Variants in FGF1 observed in about 807,000 individuals in gnomAD.
The protein encoded by FGF1 is fibroblast growth factor 1, also known as beta-endothelial cell growth factor.
A neutral mutation model predicts 13.4 loss-of-function variants in FGF1; 9 were observed. That is an observed-to-expected ratio of 0.67 (90% CI 0.40 to 1.17). The LOEUF (loss-of-function observed/expected upper bound fraction) is 1.17, where lower values mean the gene tolerates loss of function less well. Among genes scored for constraint, FGF1 ranks in the 50% most tolerant of loss-of-function variants. The pLI is 0.01. For synonymous variants in FGF1, 93 were observed against 79.0 expected (o/e 1.18, Z -0.94); for missense variants, 156 against 192.7 (o/e 0.81, Z 1.13).
chr5:142,614,020 G>T lies in FGF1; in HGVS notation c.108C>A (p.His36Gln). 6.2e-7 allele frequency: 1 copy of T among 1,614,134 alleles called. No homozygotes were observed. Among genetic ancestry groups the T allele is most frequent in the Non-Finnish European group, 8.5e-7 (1 of 1,180,012 alleles). ...TGCCATCCGGAAGGATCCTCAGGAA[G>T]TGGCCCCCGTTGCTACAGTAGAGGA... ...PKLLYCSNGG[H>Q]FLRILPDGTV... is the part of the protein sequence containing the mutation. The change falls in exon 2 of 4, where the codon CAC (histidine) becomes CAA (glutamine). Residue 36 changes from histidine (H) to glutamine (Q), a missense_variant. Transcript: ENST00000337706.
intron 1 of FGF1, among the ~76,000 whole-genome samples, chr5:142,632,104 T>C (rs1763476737): frequency 6.6e-6 from 1 of 152,204 alleles, no homozygotes; most frequent in African/African-American, 2.4e-5. Flanking sequence ...TAAAGCAAGC[T>C]TTATCTCCCT....
At chr5:142,656,683 G>A (rs942875679) in intron 1 of FGF1, among the ~76,000 whole-genome samples, 4 of 152,174 alleles carry the variant, frequency 2.6e-5, no homozygotes, top group Non-Finnish European at 5.9e-5. Context: ...TAAGCAAATA[G>A]CAGGCAGCCA....
intron 1 of FGF1, among the ~76,000 whole-genome samples, chr5:142,671,485 T>C (rs1771450904): frequency 6.6e-6 from 1 of 152,262 alleles, no homozygotes; most frequent in South Asian, 2.1e-4. Context: ...TACATTCCTC[T>C]TGCAGCTGTG....
rs1250186158 is a variant in FGF1, at chr5:142,654,865, C to T, written c.-35+31092G>A. 2.0e-5 allele frequency among the ~76,000 whole-genome samples: 3 copies of T among 152,172 alleles called. No individual in the cohort carries two copies. The East Asian group carries it at 5.8e-4, about 29-fold the overall frequency. Reference sequence around the variant, plus strand: ...GGAGAAGGGGCTTCTCTTCTACCTGCAGGAGGAGCAGGCAGGGGAGAGCAG... The same window carrying T: ...GGAGAAGGGGCTTCTCTTCTACCTGTAGGAGGAGCAGGCAGGGGAGAGCAG... On this transcript the variant is annotated intron_variant, in intron 1 of 3. Coordinates refer to ENST00000337706, the MANE Select transcript of FGF1 (RefSeq NM_000800.5).
At chr5:142,608,216 T>C (rs10074101) in intron 2 of FGF1, among the ~76,000 whole-genome samples, 7,565 of 152,070 alleles carry the variant, frequency 0.05, 300 homozygotes, top group African/African-American at 0.096. Context: ...TCTGCTTCTG[T>C]AGCATGTCTG....
intron 1 of FGF1, among the ~76,000 whole-genome samples, chr5:142,659,323 GGTTCAAGCGATTCTCCT>G (rs1308833573): frequency 6.6e-6 from 1 of 151,430 alleles, no homozygotes; most frequent in Non-Finnish European, 1.5e-5. Context: ...CTGCCTCCCG[GGTTCAAGCGATTCTCCT>G]GCCTCAGCCT....
In FGF1 at chr5:142,653,494, A is replaced by G. The variant is rs549477304; in HGVS notation, c.-35+32463T>C. On this transcript the variant is annotated intron_variant, in intron 1 of 3. Transcript: ENST00000337706. ...CCAGTCTCCCCTTCTAGCTTTGTGC[A>G]TTCGCCATACCAGCCTTGATTTGGC... Among the ~76,000 whole-genome samples, 72 of 152,280 alleles carry G rather than the reference A, an allele frequency of 4.7e-4. 2 individuals are homozygous for G. The highest frequency in any genetic ancestry group is 4.7e-3 in the Admixed American group (72 of 15,302).
At chr5:142,605,368 C>T (rs952681035) in intron 2 of FGF1, among the ~76,000 whole-genome samples, 1 of 151,866 alleles carries the variant, frequency 6.6e-6, no homozygotes, top group Non-Finnish European at 1.5e-5. Context: ...CGATCCACCC[C>T]CCTCGGCCTC....
chr5:142,651,237 T>G (rs1767194354), intron 1 of FGF1, among the ~76,000 whole-genome samples: 1 of 152,134 alleles, frequency 6.6e-6, no homozygotes, highest in African/African-American at 2.4e-5. Context: ...CACCACGACT[T>G]GCCTAGGAAA....
rs986099647 is a variant in FGF1, at chr5:142,594,155, C to T, written c.*1135G>A. The T allele has an allele frequency of 3.9e-5, 6 of 152,180 alleles. No individual in the cohort carries two copies. The highest frequency in any genetic ancestry group is 3.9e-4 in the East Asian group (2 of 5,174). The allele number at this position is 152,180 out of a possible 1,614,324, so 9.4% of individuals were successfully genotyped here. ...TGAGGTCAGGTGAGGTTCGGGGCGT[C>T]GAACCACCTTCATTTGAATAACTCT... On this transcript the variant is annotated 3_prime_UTR_variant, in exon 4 of 4. Coordinates refer to ENST00000337706, the MANE Select transcript of FGF1 (RefSeq NM_000800.5).
intron 1 of FGF1, among the ~76,000 whole-genome samples, chr5:142,632,137 A>G (rs1290559428): frequency 6.6e-6 from 1 of 152,206 alleles, no homozygotes; most frequent in Non-Finnish European, 1.5e-5. Flanking sequence ...AAAATTTCCT[A>G]TAAATAGAAG....
At chr5:142,603,460 T>C (rs1369184881) in intron 2 of FGF1, among the ~76,000 whole-genome samples, 1 of 152,044 alleles carries the variant, frequency 6.6e-6, no homozygotes, top group Non-Finnish European at 1.5e-5. Context: ...TAGTACAACA[T>C]GCAATGATTT....
intron 1 of FGF1, among the ~76,000 whole-genome samples, chr5:142,674,476 C>A (rs1772107752): frequency 1.3e-5 from 2 of 152,284 alleles, no homozygotes; most frequent in South Asian, 2.1e-4. Flanking sequence ...TAGGTGGTAT[C>A]CCTGCTCAAC....
intron 1 of FGF1, among the ~76,000 whole-genome samples, chr5:142,617,436 T>G (rs554670725): frequency 1.3e-5 from 2 of 152,140 alleles, no homozygotes; most frequent in East Asian, 3.9e-4. Context: ...CCAGACTTCA[T>G]CACTGTGGAG....
intron 1 of FGF1, 92 bp from the exon 2 acceptor site, chr5:142,614,253 G>C: frequency 1.0e-6 from 1 of 1,004,072 alleles, no homozygotes; most frequent in Middle Eastern, 2.7e-4. Context: ...AGGGCACAGG[G>C]TTCCCGGGTA....
intron 1 of FGF1, among the ~76,000 whole-genome samples, chr5:142,638,656 C>G (rs1764675431): frequency 6.6e-6 from 1 of 151,952 alleles, no homozygotes; most frequent in African/African-American, 2.4e-5. Flanking sequence ...TCCAAAAGCA[C>G]AGACAACAAA....
At chr5:142,656,504 T>C (rs776372911) in intron 1 of FGF1, among the ~76,000 whole-genome samples, 2 of 152,214 alleles carry the variant, frequency 1.3e-5, no homozygotes, top group Non-Finnish European at 2.9e-5. Context: ...AGCATACTTA[T>C]GTGTAGACCC....
At position 142,600,740 on chromosome 5, in the gene FGF1, A is replaced by G. The variant is rs1756342780; in HGVS notation, c.235T>C (p.Tyr79His). The change falls in exon 3 of 4, where the codon TAC (tyrosine) becomes CAC (histidine). Residue 79 changes from tyrosine to histidine, a missense_variant. Coordinates refer to ENST00000337706, the MANE Select transcript of FGF1 (RefSeq NM_000800.5). ...AGCCCGTCGGTGTCCATGGCCAAGT[A>G]CTGGCCAGTCTCGGTACTCTTTATA... ...VYIKSTETGQ[Y>H]LAMDTDGLLY... is the part of the protein sequence containing the mutation. 6.2e-7 allele frequency: 1 copy of G among 1,607,102 alleles called. No homozygotes were observed. The highest frequency in any genetic ancestry group is 8.5e-7 in the Non-Finnish European group (1 of 1,173,732).
chr5:142,635,616 G>A (rs1320594559), intron 1 of FGF1, among the ~76,000 whole-genome samples: 3 of 152,210 alleles, frequency 2.0e-5, no homozygotes, highest in Non-Finnish European at 4.4e-5. Flanking sequence ...TGCATCTTGT[G>A]TTACAAGGCA....
Sources: gnomAD v4.1 joint callset for allele counts (sites outside exome capture counted in the v4.1 genomes callset) on GRCh38, gnomAD v4.1.1 for gene constraint, MANE v1.5 for transcripts, NCBI Gene and HGNC (gene_info 2026-07-23, HGNC 2026-07-21) for gene names.